Variants in TENM2 observed in about 807,000 individuals in gnomAD.
TENM2 encodes the protein teneurin-2.
In TENM2, 52 loss-of-function variants were observed where a neutral mutation model predicts 245.2. That is an observed-to-expected ratio of 0.21 (90% CI 0.17 to 0.27). The LOEUF (loss-of-function observed/expected upper bound fraction) is 0.27, where lower values mean the gene tolerates loss of function less well. Ranked by LOEUF, TENM2 falls within the 10% of genes least tolerant of loss-of-function variation. The probability of loss-of-function intolerance (pLI) is 1.00; values close to 1 mark genes in which losing one functional copy is unlikely to be tolerated. For missense variants in TENM2, 3,046 were observed against 3,666.8 expected (o/e 0.83, Z 4.37); for synonymous variants, 1,363 against 1,438.9 (o/e 0.95, Z 1.19).
At chr5:167,523,366 G>A (rs1770892296) in intron 2 of TENM2, among the ~76,000 whole-genome samples, 1 of 152,162 alleles carries the variant, frequency 6.6e-6, no homozygotes, top group African/African-American at 2.4e-5. Context: ...AGTGCTGGCT[G>A]ATGGTTGCAC....
intron 2 of TENM2, among the ~76,000 whole-genome samples, chr5:167,642,590 C>T (rs763576387): frequency 6.6e-5 from 10 of 152,088 alleles, no homozygotes; most frequent in Admixed American, 4.6e-4. Flanking sequence ...ATTACCTATA[C>T]GATGTGAAGC....
At chr5:167,890,265 T>C (rs970841665) in intron 3 of TENM2, among the ~76,000 whole-genome samples, 2 of 152,048 alleles carry the variant, frequency 1.3e-5, no homozygotes, top group Non-Finnish European at 2.9e-5. Context: ...ATGTGCTGAG[T>C]CGCCGAATCT....
chr5:167,361,725 A>G (rs1195163482), intron 1 of TENM2, among the ~76,000 whole-genome samples: 1 of 152,246 alleles, frequency 6.6e-6, no homozygotes, highest in African/African-American at 2.4e-5. Flanking sequence ...TTAAAAAGTC[A>G]TAACTCGATG....
intron 2 of TENM2, among the ~76,000 whole-genome samples, chr5:167,594,568 A>C (rs1776075251): frequency 6.6e-6 from 1 of 152,216 alleles, no homozygotes; most frequent in Non-Finnish European, 1.5e-5. Flanking sequence ...TGTTTTGTTT[A>C]ATGTAAATTA....
Position 167,907,524 on chromosome 5 carries a change from A to AATAT in TENM2, c.712+31374_712+31377dup, listed in dbSNP as rs56159044. On this transcript the variant is annotated intron_variant, in intron 3 of 28. Transcript: ENST00000518659. ...TAGTAATTTTGTTTAGATCACCCTA[A>AATAT]ATATATATATATATATATATATATA... is the stretch of plus-strand genomic sequence containing the variant. Among the ~76,000 whole-genome samples, 439 of 78,152 alleles carry AATAT rather than the reference A, an allele frequency of 5.6e-3. 9 individuals carry two copies. Among genetic ancestry groups the AATAT allele is most frequent in the Non-Finnish European group, 8.4e-3 (299 of 35,516 alleles). 51.3% of individuals were successfully genotyped at this position (78,152 alleles called of 152,430 possible).
intron 1 of TENM2, among the ~76,000 whole-genome samples, chr5:167,308,740 C>T (rs913069037): frequency 1.4e-4 from 22 of 152,146 alleles, no homozygotes; most frequent in African/African-American, 2.4e-4. Context: ...AATATGCTGT[C>T]GGGCTCTGCT....
At chr5:167,082,401 G>A in the TENM2 span, among the ~76,000 whole-genome samples, 32 of 151,696 alleles carry the variant, frequency 2.1e-4, no homozygotes, top group South Asian at 8.3e-4. Context: ...CTCCTGCCTC[G>A]GCCTCCCAAG....
At chr5:167,258,421 T>C in the TENM2 span, among the ~76,000 whole-genome samples, 1 of 152,012 alleles carries the variant, frequency 6.6e-6, no homozygotes, top group Non-Finnish European at 1.5e-5. Context: ...TGTCAGATGC[T>C]GTGGTAAATG....
At chr5:167,485,495 T>C (rs542701981) in intron 2 of TENM2, among the ~76,000 whole-genome samples, 2 of 152,320 alleles carry the variant, frequency 1.3e-5, no homozygotes, top group East Asian at 3.9e-4. Context: ...CATAACATTT[T>C]TCTCTGTGCT....
At chr5:167,658,813 G>A (rs991891049) in intron 2 of TENM2, among the ~76,000 whole-genome samples, 5 of 152,190 alleles carry the variant, frequency 3.3e-5, no homozygotes, top group Non-Finnish European at 5.9e-5. Flanking sequence ...CCAGGAGACT[G>A]TAAGAAAGAT....
intron 5 of TENM2, among the ~76,000 whole-genome samples, chr5:168,012,471 C>T (rs182182785): frequency 6.6e-6 from 1 of 151,954 alleles, no homozygotes; most frequent in East Asian, 1.9e-4. Context: ...AATGAGACCC[C>T]TGTCTCTACA....
At chr5:167,145,622 ATTATTAATGTTATTAT>A in the TENM2 span, among the ~76,000 whole-genome samples, 2 of 152,182 alleles carry the variant, frequency 1.3e-5, no homozygotes, top group African/African-American at 4.8e-5. Flanking sequence ...ACATTCTCAT[ATTATTAATGTTATTAT>A]GAACTGGGGC....
chr5:168,092,595 C>A (rs1471820093), intron 8 of TENM2, among the ~76,000 whole-genome samples: 2 of 152,044 alleles, frequency 1.3e-5, no homozygotes, highest in Non-Finnish European at 2.9e-5. Flanking sequence ...GGGAAAATAC[C>A]CAGAATTAGG....
chr5:167,587,121 G>A (rs1775560798), intron 2 of TENM2, among the ~76,000 whole-genome samples: 1 of 152,072 alleles, frequency 6.6e-6, no homozygotes, highest in African/African-American at 2.4e-5. Context: ...AATGGGGAAG[G>A]GCAGGGGTTA....
intron 2 of TENM2, among the ~76,000 whole-genome samples, chr5:167,538,105 T>A (rs1201848414): frequency 6.6e-6 from 1 of 152,204 alleles, no homozygotes; most frequent in African/African-American, 2.4e-5. Flanking sequence ...AATGGGACAA[T>A]TGGACCTAAC....
chr5:167,686,198 G>A (rs956410017), intron 2 of TENM2, among the ~76,000 whole-genome samples: 2 of 152,174 alleles, frequency 1.3e-5, no homozygotes, highest in East Asian at 3.9e-4. Context: ...CATTTGAGAA[G>A]GATAGGCTAT....
intron 2 of TENM2, among the ~76,000 whole-genome samples, chr5:167,518,135 T>G (rs1480386091): frequency 6.6e-6 from 1 of 151,444 alleles, no homozygotes; most frequent in Non-Finnish European, 1.5e-5. Context: ...CACTCCAGCC[T>G]GGGTGATAGA....
chr5:167,985,400 T>C (rs1420481608), intron 4 of TENM2, among the ~76,000 whole-genome samples: 2 of 152,238 alleles, frequency 1.3e-5, no homozygotes, highest in African/African-American at 4.8e-5. Context: ...ACACCTGGTT[T>C]CCCTGATAAC....
intron 10 of TENM2, among the ~76,000 whole-genome samples, chr5:168,124,386 A>G (rs551369760): frequency 7.4e-4 from 112 of 152,334 alleles, no homozygotes; most frequent in African/African-American, 2.6e-3. Flanking sequence ...TTTTGAAGTC[A>G]AGTATTAGTG....
Sources: allele counts gnomAD v4.1 joint callset (sites outside exome capture counted in the v4.1 genomes callset), GRCh38; gene constraint gnomAD v4.1.1; transcripts MANE v1.5; gene names NCBI Gene and HGNC (gene_info 2026-07-23, HGNC 2026-07-21).